Variants in SH3BP4 observed in about 807,000 individuals in gnomAD.
The protein encoded by SH3BP4 is SH3 domain binding protein 4, also known as SH3 domain-binding protein 4.
Under a neutral mutation model 65.5 loss-of-function variants are expected in SH3BP4, and 33 were observed. The observed-to-expected ratio is 0.50, with a 90% confidence interval of 0.38 to 0.67. The LOEUF is 0.67. Among genes scored for constraint, SH3BP4 ranks in the 30% least tolerant of loss-of-function variants. SH3BP4 has a pLI of 0.00. For missense variants in SH3BP4, 1,134 were observed against 1,261.4 expected (o/e 0.90, Z 1.53); for synonymous variants, 552 against 545.5 (o/e 1.01, Z -0.17).
At chr2:234,958,539 A>G (rs1331413425) in intron 1 of SH3BP4, among the ~76,000 whole-genome samples, 2 of 152,080 alleles carry the variant, frequency 1.3e-5, no homozygotes. Flanking sequence ...GAGCTCATAC[A>G]TGGGAACCTA....
chr2:235,027,948 T>C (rs1695054495), intron 2 of SH3BP4, among the ~76,000 whole-genome samples: 4 of 152,178 alleles, frequency 2.6e-5, no homozygotes. Context: ...ATCTGGAGTC[T>C]ATGCGTGGCG....
intron 2 of SH3BP4, among the ~76,000 whole-genome samples, chr2:235,005,004 G>A (rs972479346): frequency 7.9e-5 from 12 of 152,186 alleles, no homozygotes; most frequent in African/African-American, 2.9e-4. Flanking sequence ...CTCACTGTTG[G>A]CATGGACCAG....
rs530153112 is a variant in SH3BP4 at position 235,000,246 on chromosome 2, C to T, written c.-133+4870C>T. Among the ~76,000 whole-genome samples, 8 of 152,320 alleles carry T rather than the reference C, an allele frequency of 5.3e-5. No individual in the cohort carries two copies. In the East Asian group the frequency reaches 9.6e-4, roughly 18 times the overall value. ...TTCGGAACTCCCTACAACCCTATCA[C>T]GTTAAGCAAGTCCTGTAGCCTCTCT... On this transcript the variant is annotated intron_variant, in intron 2 of 5. Transcript: ENST00000392011.
chr2:235,006,231 C>G (rs551149712), intron 2 of SH3BP4, among the ~76,000 whole-genome samples: 1 of 152,298 alleles, frequency 6.6e-6, no homozygotes, highest in Admixed American at 6.5e-5. Context: ...TTTGTCTTTG[C>G]GGGCTTTGTT....
chr2:235,054,896 G>T lies in SH3BP4; in HGVS notation c.*1080G>T, dbSNP rs1317923699. 1 of 152,196 alleles carries T rather than the reference G, an allele frequency of 6.6e-6. No homozygotes were observed. The highest frequency in any genetic ancestry group is 1.9e-4 in the East Asian group (1 of 5,198). The allele number at this position is 152,196 out of a possible 1,614,324, so 9.4% of individuals were successfully genotyped here. On this transcript the variant is annotated 3_prime_UTR_variant, in exon 6 of 6. Transcript: ENST00000392011. ...AACTCTGCATTTCATTTCATCTAAG[G>T]CTTAACCCCTCTTCCTTCCTGGTGT...
Position 234,952,249 on chromosome 2 carries a change from C to T in SH3BP4, c.-207+79C>T, listed in dbSNP as rs1256863531. The T allele has an allele frequency of 2.0e-5, 3 of 150,426 alleles. No homozygotes were observed. Among genetic ancestry groups the T allele is most frequent in the African/African-American group, 7.3e-5 (3 of 41,228 alleles). The allele number at this position is 150,426 out of a possible 1,614,324, so 9.3% of individuals were successfully genotyped here. ...GGGGGCGCGGGGTCGTGCTCGGGGG[C>T]TTTGCACTCCCTTGCGGGCGCAGAT... On this transcript the variant is annotated intron_variant, in intron 1 of 5. Coordinates refer to ENST00000392011, the MANE Select transcript of SH3BP4 (RefSeq NM_014521.3). The surrounding 1 kb of genome is among the most constrained non-coding windows in gnomAD (Gnocchi z 6.5).
Position 234,984,308 on chromosome 2 carries a change from C to T in SH3BP4, c.-206-10995C>T, listed in dbSNP as rs545604447. Among the ~76,000 whole-genome samples, 3 of 152,084 alleles carry T rather than the reference C, an allele frequency of 2.0e-5. No individual in the cohort carries two copies. The South Asian group carries it at 6.2e-4, about 31-fold the overall frequency. On this transcript the variant is annotated intron_variant, in intron 1 of 5. Transcript: ENST00000392011. Reference sequence around the variant, plus strand: ...ACCTCGACCTCTGGGCTCAAGTGATCCTCCCACCCCAGCCTCCTGAGTAGC... The same window carrying T: ...ACCTCGACCTCTGGGCTCAAGTGATTCTCCCACCCCAGCCTCCTGAGTAGC...
chr2:235,015,391 G>A (rs987285824), intron 2 of SH3BP4, among the ~76,000 whole-genome samples: 3 of 152,208 alleles, frequency 2.0e-5, no homozygotes, highest in African/African-American at 7.2e-5. Context: ...GCATGCCCCA[G>A]GCCTGTGCCA....
At chr2:234,979,171 A>T (rs1261659807) in intron 1 of SH3BP4, among the ~76,000 whole-genome samples, 1 of 152,210 alleles carries the variant, frequency 6.6e-6, no homozygotes, top group Non-Finnish European at 1.5e-5. Flanking sequence ...GGGAATGTTT[A>T]CACAATCACA....
In SH3BP4 at chr2:234,976,540, A is replaced by G. The variant is rs974492711; in HGVS notation, c.-206-18763A>G. Reference sequence around the variant, plus strand: ...GGGCTTCTTGTTTCATGATAAATACAGAAGCCGATGTTTACCCGCCTCTGG... The same window carrying G: ...GGGCTTCTTGTTTCATGATAAATACGGAAGCCGATGTTTACCCGCCTCTGG... On this transcript the variant is annotated intron_variant, in intron 1 of 5. Coordinates refer to ENST00000392011, the MANE Select transcript of SH3BP4 (RefSeq NM_014521.3). This position sits in a 1 kb window ranked among gnomAD's most constrained non-coding sequence, Gnocchi z 4.7. Among the ~76,000 whole-genome samples the G allele has an allele frequency of 3.9e-5, 6 of 152,066 alleles. No individual in the cohort carries two copies. Among genetic ancestry groups the G allele is most frequent in the African/African-American group, 1.4e-4 (6 of 41,390 alleles).
At chr2:235,010,725 A>G (rs1694454185) in intron 2 of SH3BP4, among the ~76,000 whole-genome samples, 1 of 151,966 alleles carries the variant, frequency 6.6e-6, no homozygotes, top group Non-Finnish European at 1.5e-5. Context: ...ACTCTAGGAG[A>G]ACCCTTCCCC....
At position 234,977,781 on chromosome 2, in the gene SH3BP4, G is replaced by A. The variant is rs572958586; in HGVS notation, c.-206-17522G>A. ...GTGAGCCCTGCGCTGGGAAAGACACGCACACGCATATGCACACACATGGGC... is the reference window on the plus strand; with the variant it reads ...GTGAGCCCTGCGCTGGGAAAGACACACACACGCATATGCACACACATGGGC... On this transcript the variant is annotated intron_variant, in intron 1 of 5. Coordinates refer to ENST00000392011, the MANE Select transcript of SH3BP4 (RefSeq NM_014521.3). The surrounding 1 kb of genome is among the most constrained non-coding windows in gnomAD (Gnocchi z 5.1). Among the ~76,000 whole-genome samples, 5 of 151,944 alleles carry A rather than the reference G, an allele frequency of 3.3e-5. No homozygotes were observed. Among genetic ancestry groups the A allele is most frequent in the Non-Finnish European group, 4.4e-5 (3 of 67,984 alleles).
At chr2:235,017,117 A>G (rs571193152) in intron 2 of SH3BP4, among the ~76,000 whole-genome samples, 4 of 130,962 alleles carry the variant, frequency 3.1e-5, no homozygotes, top group East Asian at 4.5e-4. Context: ...ACTATGCTAT[A>G]CTATTGTTTG....
intron 4 of SH3BP4, among the ~76,000 whole-genome samples, chr2:235,048,611 A>G (rs1198410149): frequency 6.6e-6 from 1 of 152,026 alleles, no homozygotes; most frequent in African/African-American, 2.4e-5. Context: ...AAATGCTGGT[A>G]TTATAGGGGT....
At chr2:234,966,443 C>G (rs531271786) in intron 1 of SH3BP4, among the ~76,000 whole-genome samples, 1 of 152,312 alleles carries the variant, frequency 6.6e-6, no homozygotes, top group South Asian at 2.1e-4. Flanking sequence ...CAGGCAGTCA[C>G]TGTACTAGGT....
intron 1 of SH3BP4, among the ~76,000 whole-genome samples, chr2:234,962,936 G>C (rs981230714): frequency 6.6e-5 from 10 of 152,000 alleles, no homozygotes; most frequent in Non-Finnish European, 1.2e-4. Flanking sequence ...TTTTAGTAGA[G>C]ACACAGTTTC....
rs1042723240 is a variant in SH3BP4 at position 234,977,977 on chromosome 2, CAG to C, written c.-206-17323_-206-17322del. ...ATTTTATTTTTTACTTTTTTTGAGA[CAG>C]AGTTTGGCTCTTGTTGGCCAGGCTG... On this transcript the variant is annotated intron_variant, in intron 1 of 5. Coordinates refer to ENST00000392011, the MANE Select transcript of SH3BP4 (RefSeq NM_014521.3). The surrounding 1 kb of genome is among the most constrained non-coding windows in gnomAD (Gnocchi z 5.1). 6.6e-6 allele frequency among the ~76,000 whole-genome samples: 1 copy of C among 152,122 alleles called. No individual in the cohort carries two copies. Among genetic ancestry groups the C allele is most frequent in the African/African-American group, 2.4e-5 (1 of 41,420 alleles).
At chr2:234,994,156 A>T (rs1003137744) in intron 1 of SH3BP4, among the ~76,000 whole-genome samples, 3 of 151,372 alleles carry the variant, frequency 2.0e-5, no homozygotes, top group Admixed American at 2.0e-4. Flanking sequence ...TCCCCTCCAC[A>T]CCCTTCTATT....
intron 3 of SH3BP4, among the ~76,000 whole-genome samples, chr2:235,037,177 A>C (rs1378099229): frequency 6.6e-6 from 1 of 152,196 alleles, no homozygotes; most frequent in Non-Finnish European, 1.5e-5. Flanking sequence ...TTTGTATTAA[A>C]ATCAAGGTGG....
Sources: allele counts gnomAD v4.1 joint callset (sites outside exome capture counted in the v4.1 genomes callset), GRCh38; gene constraint gnomAD v4.1.1; non-coding constraint Gnocchi (gnomAD v3.1); transcripts MANE v1.5; gene names NCBI Gene and HGNC (gene_info 2026-07-23, HGNC 2026-07-21).